Variants in CD86 observed in about 807,000 individuals in gnomAD.
CD86 encodes the protein T-lymphocyte activation antigen CD86.
A neutral mutation model predicts 32.1 loss-of-function variants in CD86; 11 were observed. The ratio of observed to expected loss-of-function variants is 0.34; its 90% CI spans 0.22 to 0.57. The LOEUF is 0.57. Among genes scored for constraint, CD86 ranks in the 20% least tolerant of loss-of-function variants. The pLI, the probability that CD86 is intolerant of heterozygous loss-of-function variation, is 0.86. For missense variants in CD86, 359 were observed against 398.4 expected (o/e 0.90, Z 0.84); for synonymous variants, 137 against 135.3 (o/e 1.01, Z -0.09).
At chr3:122,117,152 A>G (rs1169030587) in intron 5 of CD86, among the ~76,000 whole-genome samples, 1 of 152,008 alleles carries the variant, frequency 6.6e-6, no homozygotes, top group Non-Finnish European at 1.5e-5. Context: ...ATTTTGATGC[A>G]CCTGTCACCC....
intron 1 of CD86, 42 bp from the exon 2 acceptor site, chr3:122,091,559 C>G (rs2072821712): frequency 6.7e-7 from 1 of 1,483,372 alleles, no homozygotes; most frequent in Admixed American, 1.8e-5. Context: ...TTTTCAGTTT[C>G]CTTTTCTAAT....
At position 122,119,773 on chromosome 3, in the gene CD86, A is replaced by C. The variant is rs1305456199; in HGVS notation, c.*239A>C. 7.5e-5 allele frequency: 29 copies of C among 388,448 alleles called. No homozygotes were observed. Among genetic ancestry groups the C allele is most frequent in the Non-Finnish European group, 1.1e-4 (24 of 221,546 alleles). The allele number at this position is 388,448 out of a possible 1,614,324, so 24.1% of individuals were successfully genotyped here. On this transcript the variant is annotated 3_prime_UTR_variant, in exon 7 of 7. Transcript: ENST00000330540. Reference sequence around the variant, plus strand: ...CACTTCAGAGCACACTTATGGGCCAAGCCCAGCTTAATGGCTCATGACCTG... The same window carrying C: ...CACTTCAGAGCACACTTATGGGCCACGCCCAGCTTAATGGCTCATGACCTG...
chr3:122,103,794 A>G lies in CD86; in HGVS notation c.347A>G (p.Lys116Arg). 1 of 1,614,064 alleles carries G rather than the reference A, an allele frequency of 6.2e-7. No homozygotes were observed. Among genetic ancestry groups the G allele is most frequent in the Non-Finnish European group, 8.5e-7 (1 of 1,179,930 alleles). ...TATCAATGTATCATCCATCACAAAA[A>G]GCCCACAGGAATGATTCGCATCCAC... ...GLYQCIIHHK[K>R]PTGMIRIHQM... is the part of the protein sequence containing the mutation. The change falls in exon 3 of 7, where the codon AAG (lysine) becomes AGG (arginine). Residue 116 changes from lysine (K) to arginine (R), a missense_variant. Coordinates refer to ENST00000330540, the MANE Select transcript of CD86 (RefSeq NM_175862.5).
chr3:122,083,021 A>G (rs2072655880), intron 1 of CD86, among the ~76,000 whole-genome samples: 1 of 152,228 alleles, frequency 6.6e-6, no homozygotes, highest in South Asian at 2.1e-4. Flanking sequence ...ATATTGATCT[A>G]TCACCATATC....
chr3:122,115,608 C>T (rs188981661), intron 5 of CD86, among the ~76,000 whole-genome samples: 128 of 151,760 alleles, frequency 8.4e-4, no homozygotes, highest in Admixed American at 5.0e-3. Context: ...GGCATGGTGG[C>T]GCATGCCTGT....
intron 1 of CD86, among the ~76,000 whole-genome samples, chr3:122,063,113 G>A (rs1576756652): frequency 2.0e-5 from 3 of 152,286 alleles, no homozygotes; most frequent in South Asian, 4.1e-4. Flanking sequence ...CTGTAATCAC[G>A]TAAGTGCTTT....
intron 1 of CD86, among the ~76,000 whole-genome samples, chr3:122,079,452 C>T (rs760434990): frequency 6.6e-6 from 1 of 152,102 alleles, no homozygotes; most frequent in African/African-American, 2.4e-5. Flanking sequence ...GTCCCTAGGC[C>T]AGGGGATTGA....
intron 3 of CD86, 92 bp downstream of exon 3, chr3:122,103,939 C>A: frequency 9.4e-7 from 1 of 1,065,750 alleles, no homozygotes; most frequent in Non-Finnish European, 1.4e-6. Flanking sequence ...ACTTGAGGGG[C>A]CCAGGGGAAA....
chr3:122,095,974 G>A (rs969495163), intron 2 of CD86, among the ~76,000 whole-genome samples: 4 of 152,204 alleles, frequency 2.6e-5, no homozygotes, highest in Non-Finnish European at 5.9e-5. Context: ...GAAGAAGCAA[G>A]TGTTTGAGAG....
chr3:122,116,534 A>G, intron 5 of CD86, among the ~76,000 whole-genome samples: 1 of 152,212 alleles, frequency 6.6e-6, no homozygotes, highest in East Asian at 1.9e-4. Flanking sequence ...ATATACTGCT[A>G]TACAACCCAG....
chr3:122,070,661 TG>T (rs899131160), intron 1 of CD86, among the ~76,000 whole-genome samples: 2 of 152,196 alleles, frequency 1.3e-5, no homozygotes, highest in African/African-American at 4.8e-5. Context: ...CTTAGAAAAC[TG>T]GGGCCTTTTC....
chr3:122,109,560 A>G (rs1265634947), intron 5 of CD86, 152 bp downstream of exon 5: 8 of 809,712 alleles, frequency 9.9e-6, no homozygotes, highest in Non-Finnish European at 2.0e-6. Context: ...TTTTGAGCCT[A>G]TACAGACTGG....
chr3:122,115,209 T>C (rs1173899262), intron 5 of CD86, among the ~76,000 whole-genome samples: 3 of 152,190 alleles, frequency 2.0e-5, no homozygotes, highest in Non-Finnish European at 4.4e-5. Flanking sequence ...ATTATTTCTA[T>C]ATACTAACAA....
intron 5 of CD86, among the ~76,000 whole-genome samples, chr3:122,113,852 A>G (rs1295397303): frequency 2.6e-5 from 4 of 152,224 alleles, no homozygotes; most frequent in Non-Finnish European, 4.4e-5. Context: ...AAGAGCTACC[A>G]TGGGATGCAA....
At chr3:122,086,108 T>G (rs1306087477) in intron 1 of CD86, among the ~76,000 whole-genome samples, 2 of 152,178 alleles carry the variant, frequency 1.3e-5, no homozygotes, top group Non-Finnish European at 2.9e-5. Context: ...TTCTCTTTAG[T>G]GCCAGGTGGG....
chr3:122,114,696 G>A (rs1313418881), intron 5 of CD86, among the ~76,000 whole-genome samples: 2 of 152,128 alleles, frequency 1.3e-5, no homozygotes, highest in Non-Finnish European at 2.9e-5. Context: ...ACACAGGTAA[G>A]CTCAACATTC....
rs371492354 is a variant in CD86, at chr3:122,103,869, T to C, written c.400+22T>C. The C allele has an allele frequency of 1.9e-5, 30 of 1,577,382 alleles. No individual in the cohort carries two copies. In the African/African-American group the frequency reaches 3.9e-4, roughly 21 times the overall value. On this transcript the variant is annotated intron_variant, in intron 3 of 6. Transcript: ENST00000330540. Reference sequence around the variant, plus strand: ...CTTGGTATGTGGTCAATGGTGTGTGTTCAGATTCTTAGCCTTCTCAGATGA... The same window carrying C: ...CTTGGTATGTGGTCAATGGTGTGTGCTCAGATTCTTAGCCTTCTCAGATGA...
At chr3:122,090,733 G>T (rs1311213069) in intron 1 of CD86, among the ~76,000 whole-genome samples, 1 of 152,144 alleles carries the variant, frequency 6.6e-6, no homozygotes, top group African/African-American at 2.4e-5. Context: ...GCTAGTTAGG[G>T]TAAGTGCGTG....
intron 1 of CD86, among the ~76,000 whole-genome samples, chr3:122,063,594 T>A (rs868619020): frequency 0.026 from 3,472 of 135,430 alleles, 105 homozygotes; most frequent in African/African-American, 0.075. Flanking sequence ...ATAGAAAGAT[T>A]TTTTTTTTTT....
Sources: gnomAD v4.1 joint callset for allele counts (sites outside exome capture counted in the v4.1 genomes callset) on GRCh38, gnomAD v4.1.1 for gene constraint, MANE v1.5 for transcripts, NCBI Gene and HGNC (gene_info 2026-07-23, HGNC 2026-07-21) for gene names.